The following GUCY1A2 variants were observed in gnomAD, a reference collection of about 807,000 sequenced individuals.
GUCY1A2 encodes the protein guanylate cyclase soluble subunit alpha-2.
Under a neutral mutation model 63.5 loss-of-function variants are expected in GUCY1A2, and 27 were observed. The ratio of observed to expected loss-of-function variants is 0.43; its 90% CI spans 0.31 to 0.59. GUCY1A2 has a LOEUF of 0.59. Ranked by LOEUF, GUCY1A2 falls within the 20% of genes least tolerant of loss-of-function variation. The pLI is 0.11. For missense variants in GUCY1A2, 768 were observed against 913.3 expected (o/e 0.84, Z 2.05); for synonymous variants, 364 against 343.5 (o/e 1.06, Z -0.66).
chr11:106,843,864 G>GA (rs923108523), intron 4 of GUCY1A2, among the ~76,000 whole-genome samples: 73 of 151,804 alleles, frequency 4.8e-4, no homozygotes, highest in African/African-American at 1.7e-3. Context: ...AAAATTGTGA[G>GA]AAAAATCTCC....
intron 6 of GUCY1A2, among the ~76,000 whole-genome samples, chr11:106,710,870 A>G (rs1863105385): frequency 6.6e-6 from 1 of 151,784 alleles, no homozygotes; most frequent in Admixed American, 6.6e-5. Flanking sequence ...TCACCCCTTC[A>G]CCACCAGGCT....
chr11:106,709,518 A>ATTT lies in GUCY1A2; in HGVS notation c.1837-853_1837-852insAAA, dbSNP rs1360292273. Among the ~76,000 whole-genome samples the ATTT allele has an allele frequency of 4.9e-3, 264 of 53,342 alleles. 33 individuals carry two copies. The highest frequency in any genetic ancestry group is 6.3e-3 in the Non-Finnish European group (210 of 33,382). 35.0% of individuals were successfully genotyped at this position (53,342 alleles called of 152,430 possible). Reference sequence around the variant, plus strand: ...TATATAATAATATATATTATTCTATAAATATAATAATAATATAATATATTA... The same window carrying ATTT: ...TATATAATAATATATATTATTCTATATTTAATATAATAATAATATAATATATTA... On this transcript the variant is annotated intron_variant, in intron 6 of 7. Transcript: ENST00000526355.
At chr11:106,875,381 T>G (rs193236670) in intron 4 of GUCY1A2, among the ~76,000 whole-genome samples, 8 of 152,258 alleles carry the variant, frequency 5.3e-5, no homozygotes. Flanking sequence ...CAGAAACTGA[T>G]AGATGAACAA....
chr11:106,953,514 T>A (rs1386332187), intron 3 of GUCY1A2, among the ~76,000 whole-genome samples: 2 of 152,230 alleles, frequency 1.3e-5, no homozygotes, highest in African/African-American at 2.4e-5. Context: ...AATTTTGGTA[T>A]CAGGATGATG....
intron 1 of GUCY1A2, among the ~76,000 whole-genome samples, chr11:106,991,144 C>T (rs529722542): frequency 6.6e-6 from 1 of 150,550 alleles, no homozygotes; most frequent in Non-Finnish European, 1.5e-5. Flanking sequence ...TGCGTGCCAC[C>T]ATGCCCGGCT....
At chr11:106,702,585 A>T (rs1310522737) in intron 7 of GUCY1A2, among the ~76,000 whole-genome samples, 1 of 152,156 alleles carries the variant, frequency 6.6e-6, no homozygotes, top group Non-Finnish European at 1.5e-5. Flanking sequence ...GTCCTACACT[A>T]GATTCCTGTC....
Position 106,899,458 on chromosome 11 carries a change from G to A in GUCY1A2, c.1206+40002C>T, listed in dbSNP as rs1478589421. On this transcript the variant is annotated intron_variant, in intron 4 of 7. Transcript: ENST00000526355. ...CCATGGAGAGATAAATAAAACAAGT[G>A]TGGGTGAATTTCATGTATTGTAAAT... Among the ~76,000 whole-genome samples, 4 of 152,240 alleles carry A rather than the reference G, an allele frequency of 2.6e-5. No homozygotes were observed. The East Asian group carries it at 7.7e-4, about 29-fold the overall frequency.
At chr11:106,826,411 A>G (rs1370428183) in intron 4 of GUCY1A2, 12 of 1,562,232 alleles carry the variant, frequency 7.7e-6, no homozygotes, top group Non-Finnish European at 6.2e-6. Flanking sequence ...ATAATCTTCT[A>G]TATCAATATT....
At chr11:106,814,787 T>A (rs979111585) in intron 4 of GUCY1A2, among the ~76,000 whole-genome samples, 1 of 152,032 alleles carries the variant, frequency 6.6e-6, no homozygotes, top group Admixed American at 6.6e-5. Flanking sequence ...ATGCCAAACC[T>A]AAATAGAGGA....
chr11:106,893,880 G>A (rs1860009286), intron 4 of GUCY1A2, among the ~76,000 whole-genome samples: 1 of 152,132 alleles, frequency 6.6e-6, no homozygotes, highest in South Asian at 2.1e-4. Flanking sequence ...TCATCCCGGA[G>A]ACTGCACACT....
chr11:106,686,625 AG>A lies in GUCY1A2; in HGVS notation c.*923del. ...TTAGAATGCAGTTTAGTGTTGCAAA[AG>A]CTACCTATATTTGTAAGTGCTAAGT... is the stretch of plus-strand genomic sequence containing the variant. On this transcript the variant is annotated 3_prime_UTR_variant, in exon 8 of 8. Coordinates refer to ENST00000526355, the MANE Select transcript of GUCY1A2 (RefSeq NM_000855.3). 1 of 216,472 alleles carries A rather than the reference AG, an allele frequency of 4.6e-6. No homozygotes were observed. Among genetic ancestry groups the A allele is most frequent in the Non-Finnish European group, 9.3e-6 (1 of 107,432 alleles). The allele number at this position is 216,472 out of a possible 1,614,324, so 13.4% of individuals were successfully genotyped here. A position where few individuals can be genotyped will look rare whatever the true frequency, so the allele number is the denominator to read the frequency against.
At chr11:106,850,410 T>C (rs61902974) in intron 4 of GUCY1A2, among the ~76,000 whole-genome samples, 3,376 of 151,858 alleles carry the variant, frequency 0.022, 62 homozygotes, top group Middle Eastern at 0.061. Context: ...TAGTTATCCA[T>C]ATTCACTGTA....
chr11:106,739,960 C>T lies in GUCY1A2; in HGVS notation c.1837-31294G>A, dbSNP rs1242273043. Among the ~76,000 whole-genome samples, 3 of 150,904 alleles carry T rather than the reference C, an allele frequency of 2.0e-5. 1 individual carries two copies. In the South Asian group the frequency reaches 6.3e-4, roughly 32 times the overall value. ...CTGACATAGCATCTTTCTAGTCTGC[C>T]GTAAGTACCACTACCTTTACACCTC... On this transcript the variant is annotated intron_variant, in intron 6 of 7. Transcript: ENST00000526355.
At chr11:106,720,650 G>C (rs1170241078) in intron 6 of GUCY1A2, among the ~76,000 whole-genome samples, 1 of 152,112 alleles carries the variant, frequency 6.6e-6, no homozygotes, top group Non-Finnish European at 1.5e-5. Flanking sequence ...AGTGTTTTCT[G>C]AAAAGTTAAA....
At chr11:106,994,531 C>T (rs1021464226) in intron 1 of GUCY1A2, among the ~76,000 whole-genome samples, 1 of 152,222 alleles carries the variant, frequency 6.6e-6, no homozygotes, top group Admixed American at 6.5e-5. Flanking sequence ...CTTCGGTTTG[C>T]ATAACACATT....
rs1013349369 is a variant in GUCY1A2 at position 106,683,062 on chromosome 11, T to G, written c.*4487A>C. 4.6e-6 allele frequency: 1 copy of G among 218,060 alleles called. No homozygotes were observed. The highest frequency in any genetic ancestry group is 9.2e-6 in the Non-Finnish European group (1 of 108,418). 13.5% of individuals were successfully genotyped at this position (218,060 alleles called of 1,614,324 possible). The stretch of plus-strand genomic sequence containing the variant: ...TTTTGTTCAATCACATGAACACAAT[T>G]TATGTGTATGTTAAACCAGCTGGTT... On this transcript the variant is annotated 3_prime_UTR_variant, in exon 8 of 8. Coordinates refer to ENST00000526355, the MANE Select transcript of GUCY1A2 (RefSeq NM_000855.3).
intron 4 of GUCY1A2, among the ~76,000 whole-genome samples, chr11:106,889,266 G>T (rs1859943288): frequency 6.6e-6 from 1 of 152,106 alleles, no homozygotes; most frequent in Admixed American, 6.5e-5. Flanking sequence ...TTTAAAAAAT[G>T]TTCTCCAAGG....
At chr11:106,824,658 G>C (rs1034364890) in intron 4 of GUCY1A2, 31 of 865,924 alleles carry the variant, frequency 3.6e-5, no homozygotes, top group Non-Finnish European at 5.1e-5. Context: ...TATTTGAATA[G>C]AAATTTGTAG....
chr11:106,777,780 T>C (rs1474744519), intron 5 of GUCY1A2, among the ~76,000 whole-genome samples: 1 of 152,270 alleles, frequency 6.6e-6, no homozygotes, highest in East Asian at 1.9e-4. Flanking sequence ...TATACCTATG[T>C]AACAAAACCT....
Sources: allele counts gnomAD v4.1 joint callset (sites outside exome capture counted in the v4.1 genomes callset), GRCh38; gene constraint gnomAD v4.1.1; transcripts MANE v1.5; gene names NCBI Gene and HGNC (gene_info 2026-07-23, HGNC 2026-07-21).